AKAP9: variants seen among roughly 807,000 people sequenced by gnomAD.
AKAP9 encodes the protein A-kinase anchoring protein 9, also known as A-kinase anchor protein 9.
AKAP9 carries 311 observed loss-of-function variants against 488.5 expected under a neutral mutation model. The ratio of observed to expected loss-of-function variants is 0.64; its 90% CI spans 0.58 to 0.70. The LOEUF (loss-of-function observed/expected upper bound fraction) is 0.70, where lower values mean the gene tolerates loss of function less well. Ranked by LOEUF, AKAP9 falls within the 30% of genes least tolerant of loss-of-function variation. The probability of loss-of-function intolerance (pLI) is 0.00; values close to 1 mark genes in which losing one functional copy is unlikely to be tolerated. For synonymous variants in AKAP9, 1,462 were observed against 1,483.5 expected, an observed-to-expected ratio of 0.99 and a Z score of 0.33; for missense variants, 4,215 against 4,374.5, an observed-to-expected ratio of 0.96 and a Z score of 1.03.
intron 8 of AKAP9, among the ~76,000 whole-genome samples, chr7:92,008,687 CA>C (rs1345084131): frequency 7.1e-6 from 1 of 140,702 alleles, no homozygotes; most frequent in Non-Finnish European, 1.5e-5. Context: ...GACTCTATCT[CA>C]AAAAACAAAG....
At chr7:92,029,786 T>A (rs1010922122) in intron 14 of AKAP9, 109 bp from the exon 15 acceptor site, 1 of 864,388 alleles carries the variant, frequency 1.2e-6, no homozygotes, top group African/African-American at 1.7e-5. Context: ...CCTAGACTCA[T>A]TTTTGTCTCC....
chr7:92,065,745 A>T (rs975343078), intron 25 of AKAP9, among the ~76,000 whole-genome samples: 1 of 152,218 alleles, frequency 6.6e-6, no homozygotes, highest in African/African-American at 2.4e-5. Flanking sequence ...AATTCAGATC[A>T]GGAGCTTATT....
chr7:92,030,518 T>G (rs1448423544), intron 15 of AKAP9, among the ~76,000 whole-genome samples: 4 of 151,960 alleles, frequency 2.6e-5, no homozygotes, highest in Non-Finnish European at 1.5e-5. Context: ...GGCACTCGCC[T>G]GTAGTCCCAG....
At chr7:92,042,971 A>C (rs942707899) in intron 20 of AKAP9, 200 bp downstream of exon 20, 1 of 378,042 alleles carries the variant, frequency 2.6e-6, no homozygotes, top group Non-Finnish European at 4.9e-6. Flanking sequence ...TAACATTTTA[A>C]AAAAATCTTT....
Position 92,052,715 on chromosome 7 carries a change from T to C in AKAP9, c.5369-11T>C. The C allele has an allele frequency of 1.9e-6, 3 of 1,570,680 alleles. No individual in the cohort carries two copies. The highest frequency in any genetic ancestry group is 2.6e-6 in the Non-Finnish European group (3 of 1,141,626). ...TAATTAATTTATGCCTTTAAAACAC[T>C]GTTATTCTAGTTACAGATGAATCCA... On this transcript the variant is annotated splice_polypyrimidine_tract_variant and intron_variant, in intron 21 of 49. Transcript: ENST00000356239.
intron 39 of AKAP9, among the ~76,000 whole-genome samples, chr7:92,093,976 G>C (rs1816092353): frequency 6.6e-6 from 1 of 151,914 alleles, no homozygotes; most frequent in South Asian, 2.1e-4. Context: ...TCAGCCTTCT[G>C]AGTAGCTGGG....
chr7:92,099,690 A>G lies in AKAP9; in HGVS notation c.10717A>G (p.Ser3573Gly), dbSNP rs959279485. 1.2e-6 allele frequency: 2 copies of G among 1,613,958 alleles called. No individual in the cohort carries two copies. Among genetic ancestry groups the G allele is most frequent in the Non-Finnish European group, 1.7e-6 (2 of 1,179,896 alleles). ...KLTGQQGEEP[S>G]LVSPSTSCGS... is the part of the protein sequence containing the mutation. ...TTACACCATTTTATTTTTCCAGCCC[A>G]GCTTGGTGTCCCCAAGTACTTCTTG... is the stretch of plus-strand genomic sequence containing the variant. The change falls in exon 44 of 50, where the codon AGC becomes GGC. Residue 3573 changes from serine (S) to glycine (G), a missense_variant. Ser to Gly is a moderately conservative substitution (Grantham distance 56). Coordinates refer to ENST00000356239, the MANE Select transcript of AKAP9 (RefSeq NM_005751.5).
chr7:92,025,890 A>AT (rs1395467333), intron 14 of AKAP9, among the ~76,000 whole-genome samples: 2 of 152,174 alleles, frequency 1.3e-5, no homozygotes, highest in Admixed American at 1.3e-4. Context: ...TGAAATAATA[A>AT]TTACTTGCAA....
chr7:92,001,782 TAG>T lies in AKAP9; in HGVS notation c.1870_1871del (p.Arg624AlafsTer8), dbSNP rs754882162. ...ATGGCTGAATCACAAGAAGCTGAAT[TAG>T]AGAGGCTGAGAACACAGCTTCTATT... is the stretch of plus-strand genomic sequence containing the variant. On this transcript the variant is annotated frameshift_variant, in exon 8 of 50. Transcript: ENST00000356239. LOFTEE classifies it high-confidence loss of function. 9 of 1,613,370 alleles carry T rather than the reference TAG, an allele frequency of 5.6e-6. No homozygotes were observed. The highest frequency in any genetic ancestry group is 7.6e-6 in the Non-Finnish European group (9 of 1,179,764).
At chr7:91,958,512 G>A (rs78288388) in intron 1 of AKAP9, among the ~76,000 whole-genome samples, 1,601 of 152,266 alleles carry the variant, frequency 0.011, 25 homozygotes, top group African/African-American at 0.037. Context: ...ATGAAGCAGA[G>A]ATAGGATAGG....
At chr7:92,000,825 C>T in intron 7 of AKAP9, 23 bp from the exon 8 acceptor site, 7 of 1,250,186 alleles carry the variant, frequency 5.6e-6, no homozygotes, top group Middle Eastern at 1.9e-4. Flanking sequence ...GCCATTCTTA[C>T]ATTTTCATTT....
At position 92,002,855 on chromosome 7, in the gene AKAP9, G is replaced by C; in HGVS notation, c.2938G>C (p.Val980Leu). ...HGEISFLNEE[V>L]KSLKQEKEQV... ...TGAGATTAGTTTTCTAAATGAAGAA[G>C]TTAAATCTTTAAAGCAAGAGAAAGA... The change falls in exon 8 of 50, where the codon GTT becomes CTT. Residue 980 changes from valine (V) to leucine (L), a missense_variant. Coordinates refer to ENST00000356239, the MANE Select transcript of AKAP9 (RefSeq NM_005751.5). 6.2e-7 allele frequency: 1 copy of C among 1,613,162 alleles called. No homozygotes were observed. Among genetic ancestry groups the C allele is most frequent in the Non-Finnish European group, 8.5e-7 (1 of 1,179,570 alleles).
At chr7:92,013,669 A>C (rs953698270) in intron 9 of AKAP9, among the ~76,000 whole-genome samples, 3 of 152,214 alleles carry the variant, frequency 2.0e-5, no homozygotes, top group Non-Finnish European at 2.9e-5. Flanking sequence ...GTTTGCATTC[A>C]AAAGTAGAAA....
Position 91,995,606 on chromosome 7 carries a change from C to T in AKAP9, c.736C>T (p.Gln246Ter), listed in dbSNP as rs758821801. Reference sequence around the variant, plus strand: ...TGAGGTTTCTTTCTATTTTCAGTTACAGGCTAGTGAAACTCTGAGAAACAG... The same window carrying T: ...TGAGGTTTCTTTCTATTTTCAGTTATAGGCTAGTGAAACTCTGAGAAACAG... ...QKLQIQFQQL[Q>*]ASETLRNSTH... The change falls in exon 7 of 50, where the codon CAG (glutamine) becomes TAG (stop). Residue 246 changes from glutamine (Q) to a stop codon, truncating the protein, a stop_gained. Coordinates refer to ENST00000356239, the MANE Select transcript of AKAP9 (RefSeq NM_005751.5). LOFTEE classifies it high-confidence loss of function. 6.2e-7 allele frequency: 1 copy of T among 1,613,960 alleles called. No homozygotes were observed. The highest frequency in any genetic ancestry group is 8.5e-7 in the Non-Finnish European group (1 of 1,179,906).
Position 92,089,401 on chromosome 7 carries a change from C to T in AKAP9, c.9230C>T (p.Ala3077Val). ...RIQEQGVEYQ[A>V]AMECLQKADR... The stretch of plus-strand genomic sequence containing the variant: ...TTGTTACAGGGTGTTGAATATCAAG[C>T]AGCTATGGAATGCCTCCAGAAAGCA... The change falls in exon 38 of 50, where the codon GCA becomes GTA. Residue 3077 changes from alanine to valine, a missense_variant. Transcript: ENST00000356239. The T allele has an allele frequency of 6.2e-7, 1 of 1,611,704 alleles. No homozygotes were observed. The highest frequency in any genetic ancestry group is 8.5e-7 in the Non-Finnish European group (1 of 1,179,666).
intron 35 of AKAP9, among the ~76,000 whole-genome samples, 195 bp from the exon 36 acceptor site, chr7:92,085,300 T>A (rs977831121): frequency 6.6e-6 from 1 of 152,190 alleles, no homozygotes; most frequent in Non-Finnish European, 1.5e-5. Context: ...AACTTAGAGA[T>A]GAGAGCTATG....
chr7:92,065,624 T>C (rs1187451164), intron 25 of AKAP9, among the ~76,000 whole-genome samples, 161 bp downstream of exon 25: 1 of 152,168 alleles, frequency 6.6e-6, no homozygotes, highest in African/African-American at 2.4e-5. Flanking sequence ...TATTCCAATT[T>C]AAGATTCCAA....
chr7:92,072,318 G>A (rs1163641389), intron 28 of AKAP9, among the ~76,000 whole-genome samples: 1 of 152,144 alleles, frequency 6.6e-6, no homozygotes, highest in Non-Finnish European at 1.5e-5. Context: ...TAGATAAGGA[G>A]AGAAACGGTA....
At chr7:92,104,364 T>G (rs1818175239) in intron 46 of AKAP9, among the ~76,000 whole-genome samples, 1 of 151,918 alleles carries the variant, frequency 6.6e-6, no homozygotes, top group African/African-American at 2.4e-5. Context: ...CTAATTTTTT[T>G]GTATTTTTAG....
Sources: allele counts gnomAD v4.1 joint callset (sites outside exome capture counted in the v4.1 genomes callset), GRCh38; gene constraint gnomAD v4.1.1; transcripts MANE v1.5; gene names NCBI Gene and HGNC (gene_info 2026-07-23, HGNC 2026-07-21).